Variants in MMS22L observed in about 807,000 individuals in gnomAD.
MMS22L encodes the protein MMS22 like, DNA repair protein, also known as protein MMS22-like.
MMS22L carries 74 observed loss-of-function variants against 159.1 expected under a neutral mutation model. The ratio of observed to expected loss-of-function variants is 0.47; its 90% CI spans 0.39 to 0.56. The LOEUF (loss-of-function observed/expected upper bound fraction) is 0.56, where lower values mean the gene tolerates loss of function less well. Among genes scored for constraint, MMS22L ranks in the 20% least tolerant of loss-of-function variants. MMS22L has a pLI of 0.00. For synonymous variants in MMS22L, 517 were observed against 506.9 expected (o/e 1.02, Z -0.27); for missense variants, 1,351 against 1,422.1 (o/e 0.95, Z 0.80).
intron 14 of MMS22L, among the ~76,000 whole-genome samples, chr6:97,215,400 T>A (rs1025707489): frequency 6.6e-6 from 1 of 152,142 alleles, no homozygotes; most frequent in East Asian, 1.9e-4. Context: ...CATTTCAAAT[T>A]CTAACATCAC....
rs568593284 is a variant in MMS22L, at chr6:97,166,132, T to C, written c.3010-675A>G. On this transcript the variant is annotated intron_variant, in intron 20 of 24. Transcript: ENST00000683635. ...GTCACACAGAACTCTTGATATCTGG[T>C]TGCATGTCTGTTTATTTAATCTCTT... Among the ~76,000 whole-genome samples the C allele has an allele frequency of 2.0e-5, 3 of 152,242 alleles. No homozygotes were observed. The South Asian group carries it at 6.2e-4, about 32-fold the overall frequency.
chr6:97,240,720 A>C (rs1287306052), intron 11 of MMS22L, among the ~76,000 whole-genome samples: 1 of 151,404 alleles, frequency 6.6e-6, no homozygotes, highest in Non-Finnish European at 1.5e-5. Context: ...TCTGCCTCCC[A>C]GGTTCAAGTG....
chr6:97,201,286 T>A (rs1807130407), intron 14 of MMS22L, among the ~76,000 whole-genome samples: 1 of 152,162 alleles, frequency 6.6e-6, no homozygotes, highest in South Asian at 2.1e-4. Context: ...ATAAAGAAGG[T>A]ATACACTGAG....
At position 97,146,826 on chromosome 6, in the gene MMS22L, GTC is replaced by G; in HGVS notation, c.3710_3711del (p.Arg1237ThrfsTer4). Reference sequence around the variant, plus strand: ...ATATATTAAGTATTATCATTTTCCAGTCTCTGCATCTCATCTTGTCCCATCTG... The same window carrying G: ...ATATATTAAGTATTATCATTTTCCAGTCTGCATCTCATCTTGTCCCATCTG... ...LGQMGQDEMQRLENDNT is the reference protein window; with the variant it reads ...LGQMGQDEMQXLENDNT On this transcript the variant is annotated frameshift_variant, in exon 25 of 25. Transcript: ENST00000683635. LOFTEE classifies it high-confidence loss of function. 1 of 1,575,746 alleles carries G rather than the reference GTC, an allele frequency of 6.3e-7. No individual in the cohort carries two copies. Among genetic ancestry groups the G allele is most frequent in the Non-Finnish European group, 8.6e-7 (1 of 1,166,782 alleles).
chr6:97,182,140 G>GTTTT, intron 15 of MMS22L, 86 bp from the exon 16 acceptor site: 7 of 739,364 alleles, frequency 9.5e-6, no homozygotes, highest in South Asian at 2.9e-5. Context: ...TATAACAAGT[G>GTTTT]TTTTTTTTTT....
chr6:97,215,706 C>T (rs557161954), intron 14 of MMS22L, among the ~76,000 whole-genome samples: 102 of 152,106 alleles, frequency 6.7e-4, no homozygotes, highest in Non-Finnish European at 1.4e-3. Flanking sequence ...ATCTTCCACC[C>T]GCTGGCAAGA....
intron 19 of MMS22L, among the ~76,000 whole-genome samples, chr6:97,172,482 G>C (rs1803646220): frequency 6.6e-6 from 1 of 151,950 alleles, no homozygotes; most frequent in East Asian, 1.9e-4. Context: ...TCCTAGTTTT[G>C]GTTAGCACCA....
At chr6:97,280,391 T>G (rs1026092526) in intron 3 of MMS22L, among the ~76,000 whole-genome samples, 1 of 152,016 alleles carries the variant, frequency 6.6e-6, no homozygotes, top group African/African-American at 2.4e-5. Flanking sequence ...TGGAGTACAG[T>G]GGGCAATCTC....
In MMS22L at chr6:97,263,699, A is replaced by G. The variant is rs554706364; in HGVS notation, c.829-251T>C. ...TTAATCATCTAGTGCCGTGGTCAGCAAACTTTCTCTTTTTTTTTTCTTTTT... is the reference window on the plus strand; with the variant it reads ...TTAATCATCTAGTGCCGTGGTCAGCGAACTTTCTCTTTTTTTTTTCTTTTT... On this transcript the variant is annotated intron_variant, in intron 8 of 24. Transcript: ENST00000683635. 397 of 268,482 alleles carry G rather than the reference A, an allele frequency of 1.5e-3. 3 individuals are homozygous for G. Among genetic ancestry groups the G allele is most frequent in the African/African-American group, 8.1e-3 (362 of 44,762 alleles). The allele number at this position is 268,482 out of a possible 1,614,324, so 16.6% of individuals were successfully genotyped here. A position where few individuals can be genotyped will look rare whatever the true frequency, so the allele number is the denominator to read the frequency against.
intron 20 of MMS22L, among the ~76,000 whole-genome samples, chr6:97,167,521 T>C (rs1803087407): frequency 6.6e-6 from 1 of 152,116 alleles, no homozygotes; most frequent in South Asian, 2.1e-4. Flanking sequence ...GTAAATATCA[T>C]TATGTCACTT....
chr6:97,213,553 C>T (rs1808628515), intron 14 of MMS22L, among the ~76,000 whole-genome samples: 1 of 152,154 alleles, frequency 6.6e-6, no homozygotes, highest in Non-Finnish European at 1.5e-5. Flanking sequence ...CCAAAGTGTT[C>T]ATAGTGGCTC....
chr6:97,187,405 G>A (rs1239546292), intron 14 of MMS22L, among the ~76,000 whole-genome samples: 1 of 152,134 alleles, frequency 6.6e-6, no homozygotes, highest in Non-Finnish European at 1.5e-5. Flanking sequence ...CAAAGAGAGG[G>A]AAATAAGAGA....
chr6:97,190,520 A>G (rs1805755660), intron 14 of MMS22L, among the ~76,000 whole-genome samples: 1 of 152,206 alleles, frequency 6.6e-6, no homozygotes, highest in Non-Finnish European at 1.5e-5. Flanking sequence ...AGTAGAAAAT[A>G]AATTTGCTGA....
chr6:97,229,390 AT>A lies in MMS22L; in HGVS notation c.1542del (p.Lys514AsnfsTer10). 1 of 1,563,852 alleles carries A rather than the reference AT, an allele frequency of 6.4e-7. No homozygotes were observed. The highest frequency in any genetic ancestry group is 1.2e-5 in the South Asian group (1 of 84,822). On this transcript the variant is annotated frameshift_variant, in exon 14 of 25. Coordinates refer to ENST00000683635, the MANE Select transcript of MMS22L (RefSeq NM_001350599.2). LOFTEE classifies it high-confidence loss of function. Reference protein sequence around the residue: ...WKQVKGRIYSKFHQKRMEELT... With the variant: ...WKQVKGRIYSXFHQKRMEELT... ...AGTTCTTCCATTCTTTTTTGATGGA[AT>A]TTTGAATATATTCTGTAAAACATTA...
At position 97,272,836 on chromosome 6, in the gene MMS22L, A is replaced by T. The variant is rs1815882216; in HGVS notation, c.474T>A (p.Pro158=). 1 of 1,614,002 alleles carries T rather than the reference A, an allele frequency of 6.2e-7. No homozygotes were observed. The highest frequency in any genetic ancestry group is 8.5e-7 in the Non-Finnish European group (1 of 1,179,976). ...QNAESHVPVH[P]YEALEAQLPS... ...GAAGCTGAGCCTCCAAAGCCTCATA[A>T]GGATGGACAGGAACATGACTCTCAG... Residue 158 remains proline (P), a synonymous_variant, in exon 6 of 25, where the codon CCT becomes CCA. Coordinates refer to ENST00000683635, the MANE Select transcript of MMS22L (RefSeq NM_001350599.2).
At chr6:97,231,682 C>T in intron 12 of MMS22L, 30 bp from the exon 13 acceptor site, 2 of 1,465,592 alleles carry the variant, frequency 1.4e-6, no homozygotes, top group South Asian at 2.3e-5. Flanking sequence ...AGATAGAAAA[C>T]AATTATTAGT....
chr6:97,152,311 T>C (rs1022664393), intron 22 of MMS22L, among the ~76,000 whole-genome samples: 21 of 152,062 alleles, frequency 1.4e-4, no homozygotes, highest in African/African-American at 5.1e-4. Flanking sequence ...CCGTGAACAA[T>C]TTCTTTTCAC....
chr6:97,278,759 T>G, intron 4 of MMS22L, 90 bp downstream of exon 4: 66 of 1,022,562 alleles, frequency 6.5e-5, no homozygotes, highest in Non-Finnish European at 9.4e-5. Context: ...TGTATTATCA[T>G]GATATGCCAA....
At chr6:97,225,665 C>T (rs1466734970) in intron 14 of MMS22L, among the ~76,000 whole-genome samples, 2 of 151,952 alleles carry the variant, frequency 1.3e-5, no homozygotes, top group African/African-American at 4.8e-5. Context: ...CTCCGCCTCC[C>T]GGGTTCAGGC....
Sources: allele counts gnomAD v4.1 joint callset (sites outside exome capture counted in the v4.1 genomes callset), GRCh38; gene constraint gnomAD v4.1.1; transcripts MANE v1.5; gene names NCBI Gene and HGNC (gene_info 2026-07-23, HGNC 2026-07-21).